The following PDE4DIP variants were observed in gnomAD, a reference collection of about 807,000 sequenced individuals.
PDE4DIP encodes the protein phosphodiesterase 4D interacting protein.
Under a neutral mutation model 221.4 loss-of-function variants are expected in PDE4DIP, and 59 were observed. That is an observed-to-expected ratio of 0.27 (90% CI 0.22 to 0.33). The LOEUF (loss-of-function observed/expected upper bound fraction) is 0.33. Ranked by LOEUF, PDE4DIP falls within the 10% of genes least tolerant of loss-of-function variation. The pLI, the probability that PDE4DIP is intolerant of heterozygous loss-of-function variation, is 1.00. For synonymous variants in PDE4DIP, 404 were observed against 815.9 expected (o/e 0.50, Z 8.60); for missense variants, 1,036 against 2,154.2 (o/e 0.48, Z 10.28).
chr1:148,968,914 C>A, exon 14 of PDE4DIP: 3 of 1,613,352 alleles, frequency 1.9e-6, no homozygotes, highest in Middle Eastern at 1.7e-4. Context: ...GCGTCTACAG[C>A]GAAAGGAAAG....
intron 5 of PDE4DIP, chr1:148,953,133 C>T (rs1553493973): frequency 1.2e-6 from 2 of 1,614,060 alleles, no homozygotes; most frequent in Non-Finnish European, 8.5e-7. Context: ...GTTGACATGT[C>T]CGTCTTACCC....
intron 22 of PDE4DIP, among the ~76,000 whole-genome samples, chr1:148,996,384 A>C (rs2064221314): frequency 6.6e-6 from 1 of 152,174 alleles, no homozygotes; most frequent in Non-Finnish European, 1.5e-5. Context: ...AAGTGGTTTT[A>C]TTTGGTCCCC....
At chr1:148,998,301 G>T in exon 23 of PDE4DIP, 1 of 1,613,168 alleles carries the variant, frequency 6.2e-7, no homozygotes, top group South Asian at 1.1e-5. Context: ...AAGAGAAGAG[G>T]AAAGCTGAGG....
At chr1:148,963,602 G>A (rs1241398606) in intron 9 of PDE4DIP, among the ~76,000 whole-genome samples, 8 of 151,446 alleles carry the variant, frequency 5.3e-5, no homozygotes, top group Non-Finnish European at 7.4e-5. Context: ...GTAAAACCAG[G>A]CAGAAAAGTG....
chr1:148,828,980 A>G (rs1671321079), intron 1 of PDE4DIP, among the ~76,000 whole-genome samples: 1 of 150,074 alleles, frequency 6.7e-6, no homozygotes, highest in South Asian at 2.1e-4. Flanking sequence ...TACTGTGTAC[A>G]TTTTAAGGCA....
chr1:148,950,559 A>T (rs1474867346), intron 5 of PDE4DIP, among the ~76,000 whole-genome samples: 1 of 149,716 alleles, frequency 6.7e-6, no homozygotes, highest in South Asian at 2.2e-4. Context: ...CTTTATAGGA[A>T]GCATGGTGCT....
At position 149,024,442 on chromosome 1, in the gene PDE4DIP, C is replaced by T. The variant is rs781828910; in HGVS notation, c.6086-3C>T. Reference sequence around the variant, plus strand: ...CAATGTTACCAGACTCCTTCTCTCTCAGCTTACAGCCTGGATGCCTGTCAC... The same window carrying T: ...CAATGTTACCAGACTCCTTCTCTCTTAGCTTACAGCCTGGATGCCTGTCAC... On this transcript the variant is annotated splice_polypyrimidine_tract_variant and splice_region_variant and intron_variant, in intron 37 of 43. Transcript: ENST00000369354. 5.1e-6 allele frequency: 8 copies of T among 1,563,962 alleles called. No homozygotes were observed. The highest frequency in any genetic ancestry group is 6.9e-6 in the Non-Finnish European group (8 of 1,152,402).
intron 21 of PDE4DIP, among the ~76,000 whole-genome samples, chr1:148,987,154 T>C (rs2062053528): frequency 6.6e-6 from 1 of 152,182 alleles, no homozygotes; most frequent in Non-Finnish European, 1.5e-5. Context: ...GCCCTAAGGC[T>C]ACTTAAGAGA....
exon 44 of PDE4DIP, chr1:149,032,373 C>G (rs2076949705): frequency 2.0e-6 from 1 of 508,608 alleles, no homozygotes; most frequent in Non-Finnish European, 3.6e-6. Context: ...AATATAGGAC[C>G]CTGATTCCGA....
At chr1:148,913,588 G>A (rs1255922196) in intron 1 of PDE4DIP, among the ~76,000 whole-genome samples, 1 of 146,462 alleles carries the variant, frequency 6.8e-6, no homozygotes, top group Non-Finnish European at 1.5e-5. Flanking sequence ...TTACAGTATT[G>A]CAAATAGGCT....
intron 1 of PDE4DIP, among the ~76,000 whole-genome samples, chr1:148,898,927 G>A (rs879947285): frequency 1.8e-5 from 2 of 111,272 alleles, no homozygotes; most frequent in African/African-American, 4.0e-5. Context: ...CGTCTCCTGG[G>A]CTCAAGCGAT....
At chr1:148,987,186 A>G (rs1176577829) in intron 21 of PDE4DIP, among the ~76,000 whole-genome samples, 1 of 152,180 alleles carries the variant, frequency 6.6e-6, no homozygotes, top group African/African-American at 2.4e-5. Flanking sequence ...AAAGACAAAG[A>G]TACACCATAA....
chr1:148,983,481 T>C (rs2061431783), intron 21 of PDE4DIP: 1 of 152,436 alleles, frequency 6.6e-6, no homozygotes, highest in African/African-American at 2.4e-5. Context: ...ACTAACTTTT[T>C]CGGGTCTAGA....
exon 44 of PDE4DIP, chr1:149,032,162 G>C (rs2076917390): frequency 7.8e-7 from 1 of 1,277,230 alleles, no homozygotes; most frequent in African/African-American, 1.5e-5. Context: ...TATCCTGGTG[G>C]AGCTGGGAGA....
intron 1 of PDE4DIP, among the ~76,000 whole-genome samples, chr1:148,919,337 G>A (rs1462391266): frequency 2.0e-5 from 3 of 151,578 alleles, no homozygotes; most frequent in South Asian, 2.1e-4. Context: ...CTTTGGGGAC[G>A]ACCAGTTTAA....
intron 5 of PDE4DIP, among the ~76,000 whole-genome samples, chr1:148,956,309 T>A (rs2055315330): frequency 6.6e-6 from 1 of 151,992 alleles, no homozygotes; most frequent in South Asian, 2.1e-4. Flanking sequence ...ATCCTCCACT[T>A]ACCATATTTT....
intron 32 of PDE4DIP, among the ~76,000 whole-genome samples, chr1:149,013,217 A>G (rs2069185048): frequency 6.6e-6 from 1 of 152,004 alleles, no homozygotes; most frequent in African/African-American, 2.4e-5. Flanking sequence ...AATCAAGTTC[A>G]GTTCCTGATA....
intron 38 of PDE4DIP, chr1:149,025,778 G>T (rs2074974184): frequency 6.8e-6 from 1 of 147,118 alleles, no homozygotes; most frequent in Non-Finnish European, 1.5e-5. Context: ...TGTGGTTCTT[G>T]TAGATTCTCA....
chr1:148,919,249 G>A (rs1553460498), intron 1 of PDE4DIP, among the ~76,000 whole-genome samples: 2 of 150,964 alleles, frequency 1.3e-5, no homozygotes, highest in Admixed American at 1.3e-4. Flanking sequence ...TAAAAGATGA[G>A]TAATGCAGGT....
Sources: gnomAD v4.1 joint callset for allele counts (sites outside exome capture counted in the v4.1 genomes callset) on GRCh38, gnomAD v4.1.1 for gene constraint, MANE v1.5 for transcripts, NCBI Gene and HGNC (gene_info 2026-07-23, HGNC 2026-07-21) for gene names.